The following EPHA3 variants were observed in gnomAD, a reference collection of about 807,000 sequenced individuals.
EPHA3 encodes EPH receptor A3, also known as ephrin type-A receptor 3.
A neutral mutation model predicts 107.1 loss-of-function variants in EPHA3; 42 were observed. That is an observed-to-expected ratio of 0.39 (90% CI 0.31 to 0.51). The LOEUF (loss-of-function observed/expected upper bound fraction) is 0.51, where lower values mean the gene tolerates loss of function less well. Ranked by LOEUF, EPHA3 falls within the 20% of genes least tolerant of loss-of-function variation. EPHA3 has a pLI of 0.78. For synonymous variants in EPHA3, 461 were observed against 424.8 expected (o/e 1.09, Z -1.05); for missense variants, 1,183 against 1,211.2 (o/e 0.98, Z 0.35).
intron 3 of EPHA3, among the ~76,000 whole-genome samples, chr3:89,274,021 C>T (rs1477666093): frequency 6.6e-6 from 1 of 151,788 alleles, no homozygotes; most frequent in Non-Finnish European, 1.5e-5. Flanking sequence ...CAGAGAGTTG[C>T]CTTATTTGAC....
At chr3:89,222,179 T>C (rs1381359806) in intron 3 of EPHA3, among the ~76,000 whole-genome samples, 1 of 151,944 alleles carries the variant, frequency 6.6e-6, no homozygotes, top group Non-Finnish European at 1.5e-5. Context: ...GAAAGACACT[T>C]GCTATGTGCC....
chr3:89,330,414 GT>G (rs560784330), intron 3 of EPHA3, among the ~76,000 whole-genome samples: 116 of 151,546 alleles, frequency 7.7e-4, no homozygotes, highest in African/African-American at 2.4e-3. Flanking sequence ...TATATCATAG[GT>G]TTTTTTTAAA....
rs115767493 is a variant in EPHA3 at position 89,437,507 on chromosome 3, A to G, written c.2346+6148A>G. Among the ~76,000 whole-genome samples, 1,474 of 152,138 alleles carry G rather than the reference A, an allele frequency of 9.7e-3. 27 individuals carry two copies. Among genetic ancestry groups the G allele is most frequent in the African/African-American group, 0.034 (1,410 of 41,506 alleles). On this transcript the variant is annotated intron_variant, in intron 13 of 16. Coordinates refer to ENST00000336596, the MANE Select transcript of EPHA3 (RefSeq NM_005233.6). The stretch of plus-strand genomic sequence containing the variant: ...AAAGTATAATTATAACATGTTTGTT[A>G]TATTTTTGCCCTGGTCTACTAATTT...
chr3:89,359,142 A>T (rs1040256289), intron 5 of EPHA3, among the ~76,000 whole-genome samples: 4 of 151,272 alleles, frequency 2.6e-5, no homozygotes, highest in Non-Finnish European at 5.9e-5. Context: ...AGTAATTAGT[A>T]TGAAAGTGAC....
At chr3:89,178,632 A>C (rs1705369557) in intron 2 of EPHA3, among the ~76,000 whole-genome samples, 3 of 151,990 alleles carry the variant, frequency 2.0e-5, no homozygotes, top group East Asian at 1.9e-4. Context: ...ACTGAAAATT[A>C]TATTATAAAA....
chr3:89,340,168 G>T (rs1265378803), intron 3 of EPHA3, among the ~76,000 whole-genome samples: 1 of 151,948 alleles, frequency 6.6e-6, no homozygotes, highest in Non-Finnish European at 1.5e-5. Context: ...CAGTTCAATA[G>T]GCTTACAAAA....
intron 5 of EPHA3, among the ~76,000 whole-genome samples, chr3:89,371,377 G>T (rs79323282): frequency 0.015 from 2,325 of 151,566 alleles, 44 homozygotes; most frequent in African/African-American, 0.053. Flanking sequence ...CTTAACTATC[G>T]TCGACATTTT....
intron 3 of EPHA3, among the ~76,000 whole-genome samples, chr3:89,335,937 A>G (rs1271161177): frequency 6.6e-6 from 1 of 152,174 alleles, no homozygotes; most frequent in Non-Finnish European, 1.5e-5. Context: ...GCTTTTTGAT[A>G]TGTGTGTATC....
chr3:89,119,528 A>C (rs1189054434), intron 1 of EPHA3, among the ~76,000 whole-genome samples: 1 of 152,122 alleles, frequency 6.6e-6, no homozygotes, highest in Non-Finnish European at 1.5e-5. Context: ...AAACCCAAAA[A>C]CAAGTCTTGA....
intron 2 of EPHA3, among the ~76,000 whole-genome samples, chr3:89,161,996 A>ATAC (rs1020481044): frequency 6.7e-6 from 1 of 150,168 alleles, no homozygotes; most frequent in African/African-American, 2.4e-5. Flanking sequence ...AATAATAATA[A>ATAC]TAGTAATAAT....
chr3:89,139,321 T>A (rs529597498), intron 2 of EPHA3, among the ~76,000 whole-genome samples: 257 of 152,022 alleles, frequency 1.7e-3, no homozygotes, highest in South Asian at 6.8e-3. Context: ...AAGTCTTCAA[T>A]AGGATTTAAA....
chr3:89,315,338 G>A (rs139757364), intron 3 of EPHA3, among the ~76,000 whole-genome samples: 1,752 of 151,438 alleles, frequency 0.012, 13 homozygotes, highest in Non-Finnish European at 0.018. Flanking sequence ...AAGGAGCACG[G>A]TTTGTTTCTG....
intron 3 of EPHA3, among the ~76,000 whole-genome samples, chr3:89,225,120 A>C (rs1439658616): frequency 6.6e-6 from 1 of 152,158 alleles, no homozygotes. Flanking sequence ...TAGCTATGTT[A>C]AGATCTAAAG....
intron 2 of EPHA3, among the ~76,000 whole-genome samples, chr3:89,142,173 G>T (rs1385907569): frequency 6.6e-6 from 1 of 151,156 alleles, no homozygotes; most frequent in Admixed American, 6.6e-5. Flanking sequence ...ACTTTAAATA[G>T]AATTTTAAAC....
intron 2 of EPHA3, among the ~76,000 whole-genome samples, chr3:89,157,983 G>A (rs1200327219): frequency 6.6e-6 from 1 of 151,912 alleles, no homozygotes; most frequent in African/African-American, 2.4e-5. Context: ...AGTTTGTGAG[G>A]TCTTTTCTGT....
intron 5 of EPHA3, among the ~76,000 whole-genome samples, chr3:89,371,706 G>A (rs909439624): frequency 6.6e-6 from 1 of 150,580 alleles, no homozygotes; most frequent in Non-Finnish European, 1.5e-5. Flanking sequence ...ATTGTACAAG[G>A]CACAGTGATA....
At chr3:89,451,424 C>T (rs2107556633) in intron 15 of EPHA3, among the ~76,000 whole-genome samples, 1 of 152,200 alleles carries the variant, frequency 6.6e-6, no homozygotes, top group African/African-American at 2.4e-5. Context: ...AATTTTGATT[C>T]TCATTGTAAG....
intron 3 of EPHA3, among the ~76,000 whole-genome samples, chr3:89,260,920 G>A (rs1424175746): frequency 6.6e-6 from 1 of 152,140 alleles, no homozygotes; most frequent in Non-Finnish European, 1.5e-5. Flanking sequence ...AAATCTTTGA[G>A]GCCGTCCTGC....
chr3:89,235,504 T>C (rs1576253380), intron 3 of EPHA3, among the ~76,000 whole-genome samples: 2 of 152,110 alleles, frequency 1.3e-5, no homozygotes, highest in African/African-American at 4.8e-5. Context: ...TTTAATATTA[T>C]AGATAATTCT....
Sources: allele counts gnomAD v4.1 joint callset (sites outside exome capture counted in the v4.1 genomes callset), GRCh38; gene constraint gnomAD v4.1.1; transcripts MANE v1.5; gene names NCBI Gene and HGNC (gene_info 2026-07-23, HGNC 2026-07-21).